The following AGMO variants were observed in gnomAD, a reference collection of about 807,000 sequenced individuals.
AGMO encodes glyceryl-ether monooxygenase.
In AGMO, 75 loss-of-function variants were observed where a neutral mutation model predicts 60.2. The ratio of observed to expected loss-of-function variants is 1.25; its 90% CI spans 1.03 to 1.51. AGMO has a LOEUF of 1.51. Among genes scored for constraint, AGMO ranks in the 40% most tolerant of loss-of-function variants. AGMO has a pLI of 0.00. For synonymous variants in AGMO, 261 were observed against 177.1 expected, an observed-to-expected ratio of 1.47 and a Z score of -3.76; for missense variants, 763 against 525.5, an observed-to-expected ratio of 1.45 and a Z score of -4.42.
intron 4 of AGMO, among the ~76,000 whole-genome samples, chr7:15,429,555 A>G (rs896356349): frequency 3.9e-5 from 6 of 152,002 alleles, no homozygotes; most frequent in African/African-American, 1.4e-4. Flanking sequence ...CAGTGAGATA[A>G]TAAATTTCTG....
intron 2 of AGMO, among the ~76,000 whole-genome samples, chr7:15,549,613 C>T (rs1784887336): frequency 6.7e-6 from 1 of 149,496 alleles, no homozygotes; most frequent in African/African-American, 2.4e-5. Context: ...ACAAGAAGAG[C>T]TAACTATCCT....
chr7:15,327,884 C>T (rs1279317724), intron 12 of AGMO, among the ~76,000 whole-genome samples: 1 of 151,082 alleles, frequency 6.6e-6, no homozygotes, highest in Non-Finnish European at 1.5e-5. Context: ...CCCACCTCAG[C>T]CTCCTGGGTA....
intron 3 of AGMO, among the ~76,000 whole-genome samples, chr7:15,445,739 T>C (rs987286399): frequency 1.3e-5 from 2 of 152,122 alleles, no homozygotes; most frequent in Non-Finnish European, 2.9e-5. Flanking sequence ...AGTTCCCAAA[T>C]AGAGAAGAAA....
At chr7:15,454,629 A>T (rs1781950002) in intron 3 of AGMO, among the ~76,000 whole-genome samples, 4 of 152,102 alleles carry the variant, frequency 2.6e-5, no homozygotes, top group Admixed American at 6.6e-5. Context: ...ATTATATGGA[A>T]TATATAATAA....
chr7:15,293,017 C>T (rs1347237486), intron 12 of AGMO, among the ~76,000 whole-genome samples: 1 of 152,010 alleles, frequency 6.6e-6, no homozygotes, highest in Non-Finnish European at 1.5e-5. Context: ...CCCTACTTGG[C>T]CTCCCAAAGT....
At chr7:15,376,714 T>C (rs1304393110) in intron 10 of AGMO, among the ~76,000 whole-genome samples, 2 of 152,100 alleles carry the variant, frequency 1.3e-5, no homozygotes, top group African/African-American at 2.4e-5. Context: ...GTGCAATACA[T>C]ATTATACATA....
chr7:15,161,224 G>C, the AGMO span, among the ~76,000 whole-genome samples: 16 of 152,148 alleles, frequency 1.1e-4, no homozygotes, highest in Non-Finnish European at 2.1e-4. Flanking sequence ...ATTTAAATCA[G>C]TACACTTTGA....
intron 3 of AGMO, among the ~76,000 whole-genome samples, chr7:15,493,519 G>C (rs532000924): frequency 6.7e-6 from 1 of 150,220 alleles, no homozygotes; most frequent in Non-Finnish European, 1.5e-5. Flanking sequence ...GTCTGCAGGC[G>C]CCCGCCACCA....
At chr7:15,372,837 G>A (rs1222923687) in intron 10 of AGMO, among the ~76,000 whole-genome samples, 2 of 152,130 alleles carry the variant, frequency 1.3e-5, no homozygotes, top group African/African-American at 4.8e-5. Flanking sequence ...GTGCTAAATT[G>A]AAATTATTCT....
chr7:15,411,856 TA>T (rs1172451807), intron 5 of AGMO, among the ~76,000 whole-genome samples: 3 of 151,922 alleles, frequency 2.0e-5, no homozygotes, highest in East Asian at 1.9e-4. Context: ...GATAGTTACC[TA>T]AAAAAAAGTA....
chr7:15,547,827 G>C (rs892227848), intron 2 of AGMO, among the ~76,000 whole-genome samples: 3 of 152,040 alleles, frequency 2.0e-5, no homozygotes, highest in South Asian at 2.1e-4. Context: ...GCTCAAGGAG[G>C]CCTGCCTGCC....
intron 3 of AGMO, among the ~76,000 whole-genome samples, chr7:15,444,597 C>A (rs1249524321): frequency 2.0e-5 from 3 of 152,178 alleles, no homozygotes; most frequent in African/African-American, 7.2e-5. Context: ...GAGTAACATT[C>A]TTTGCTCCTG....
chr7:15,205,370 A>G (rs1443506864), intron 12 of AGMO, among the ~76,000 whole-genome samples: 1 of 152,144 alleles, frequency 6.6e-6, no homozygotes, highest in South Asian at 2.1e-4. Flanking sequence ...ATGTACTTGA[A>G]TAATTATTCA....
Position 15,201,228 on chromosome 7 carries a change from G to T in AGMO, c.*57C>A. 8.8e-7 allele frequency: 1 copy of T among 1,133,648 alleles called. No individual in the cohort carries two copies. The highest frequency in any genetic ancestry group is 1.3e-6 in the Non-Finnish European group (1 of 786,650). 70.2% of individuals were successfully genotyped at this position (1,133,648 alleles called of 1,614,324 possible). On this transcript the variant is annotated 3_prime_UTR_variant, in exon 13 of 13. Coordinates refer to ENST00000342526, the MANE Select transcript of AGMO (RefSeq NM_001004320.2). The stretch of plus-strand genomic sequence containing the variant: ...TAAAATAATTACATTTTAATATGCA[G>T]TCATAATATGCGTGTGGACAACTCA...
intron 12 of AGMO, among the ~76,000 whole-genome samples, chr7:15,239,185 T>C (rs1782516318): frequency 6.6e-6 from 1 of 152,108 alleles, no homozygotes; most frequent in Non-Finnish European, 1.5e-5. Flanking sequence ...TTGCTTACTG[T>C]TCAAAGGGAA....
chr7:15,237,748 C>T lies in AGMO; in HGVS notation c.1264-36389G>A, dbSNP rs73679455. 3.1e-3 allele frequency among the ~76,000 whole-genome samples: 478 copies of T among 152,186 alleles called. 4 individuals carry two copies. Among genetic ancestry groups the T allele is most frequent in the African/African-American group, 0.011 (453 of 41,546 alleles). Reference sequence around the variant, plus strand: ...AACACAGTCTTAACGTTCACCTCAGCTTGACCAAAGTGTAGACAGGCTTTC... The same window carrying T: ...AACACAGTCTTAACGTTCACCTCAGTTTGACCAAAGTGTAGACAGGCTTTC... On this transcript the variant is annotated intron_variant, in intron 12 of 12. Coordinates refer to ENST00000342526, the MANE Select transcript of AGMO (RefSeq NM_001004320.2).
At chr7:15,306,280 G>T in intron 12 of AGMO, 1 of 244,388 alleles carries the variant, frequency 4.1e-6, no homozygotes, top group Middle Eastern at 1.6e-3. Flanking sequence ...CTAATAAATG[G>T]AAAGGGTTTT....
chr7:15,343,974 A>G (rs77047534), intron 12 of AGMO, among the ~76,000 whole-genome samples: 5,518 of 152,192 alleles, frequency 0.036, 125 homozygotes, highest in South Asian at 0.062. Context: ...TTAACTATCC[A>G]TAAAACTAAC....
chr7:15,201,020 C>A lies in AGMO; in HGVS notation c.*265G>T. The A allele has an allele frequency of 3.6e-6, 1 of 280,228 alleles. No individual in the cohort carries two copies. Among genetic ancestry groups the A allele is most frequent in the Non-Finnish European group, 6.5e-6 (1 of 152,984 alleles). 17.4% of individuals were successfully genotyped at this position (280,228 alleles called of 1,614,324 possible). On this transcript the variant is annotated 3_prime_UTR_variant, in exon 13 of 13. Coordinates refer to ENST00000342526, the MANE Select transcript of AGMO (RefSeq NM_001004320.2). ...TTTCATCCCTTCTTTTTATACTTGT[C>A]ATATAAGGCTATCAGTTAATATAAC... is the stretch of plus-strand genomic sequence containing the variant.
Sources: allele counts gnomAD v4.1 joint callset (sites outside exome capture counted in the v4.1 genomes callset), GRCh38; gene constraint gnomAD v4.1.1; transcripts MANE v1.5; gene names NCBI Gene and HGNC (gene_info 2026-07-23, HGNC 2026-07-21).